MEIOSIN: variants seen among roughly 807,000 people sequenced by gnomAD.
The protein encoded by MEIOSIN is meiosis initiator protein.
MEIOSIN carries 18 observed loss-of-function variants against 23.4 expected under a neutral mutation model. That is an observed-to-expected ratio of 0.77 (90% CI 0.53 to 1.14). The LOEUF (loss-of-function observed/expected upper bound fraction) is 1.14, where lower values mean the gene tolerates loss of function less well. Among genes scored for constraint, MEIOSIN ranks in the 50% most tolerant of loss-of-function variants. The pLI is 0.00. For missense variants in MEIOSIN, 428 were observed against 242.9 expected (o/e 1.76, Z -5.07); for synonymous variants, 187 against 100.6 (o/e 1.86, Z -5.14).
At chr19:45,759,571 C>T (rs1455855321) in intron 11 of MEIOSIN, 81 bp downstream of exon 11, 3 of 688,142 alleles carry the variant, frequency 4.4e-6, no homozygotes, top group African/African-American at 1.8e-5. Context: ...ATTCACTCAT[C>T]CACTCCCTCA....
In MEIOSIN at chr19:45,739,615, A is replaced by T; in HGVS notation, c.72-11A>T. On this transcript the variant is annotated splice_polypyrimidine_tract_variant and intron_variant, in intron 2 of 14. Transcript: ENST00000457052. ...CAACCCTGAACCAATCACTGTGACT[A>T]TTCTTGGCAGGACCTTGGTTTTGTG... The T allele has an allele frequency of 1.4e-6, 1 of 702,994 alleles. No homozygotes were observed. Among genetic ancestry groups the T allele is most frequent in the Non-Finnish European group, 2.6e-6 (1 of 384,966 alleles). The allele number at this position is 702,994 out of a possible 1,614,324, so 43.5% of individuals were successfully genotyped here.
At chr19:45,759,127 C>T in intron 10 of MEIOSIN, 94 bp downstream of exon 10, 1 of 674,774 alleles carries the variant, frequency 1.5e-6, no homozygotes, top group South Asian at 1.6e-5. Flanking sequence ...CGGGGTGAAT[C>T]CTGCCCTGGC....
At chr19:45,750,090 G>T (rs1389442792) in intron 4 of MEIOSIN, among the ~76,000 whole-genome samples, 5 of 148,600 alleles carry the variant, frequency 3.4e-5, no homozygotes, top group Non-Finnish European at 7.4e-5. Flanking sequence ...GGCTGCTGGG[G>T]ACCAGAGACA....
chr19:45,757,971 G>T (rs1194434531), intron 9 of MEIOSIN, among the ~76,000 whole-genome samples: 1 of 151,648 alleles, frequency 6.6e-6, no homozygotes, highest in African/African-American at 2.4e-5. Flanking sequence ...GGGATTACAG[G>T]CACGTGCCCC....
At chr19:45,752,100 G>C (rs1968724529) in intron 5 of MEIOSIN, among the ~76,000 whole-genome samples, 1 of 142,646 alleles carries the variant, frequency 7.0e-6, no homozygotes, top group African/African-American at 2.6e-5. Context: ...GCAGTGGCAT[G>C]ATCATGGCTC....
intron 7 of MEIOSIN, among the ~76,000 whole-genome samples, chr19:45,755,253 G>A (rs1413776507): frequency 2.8e-5 from 4 of 144,226 alleles, no homozygotes; most frequent in Non-Finnish European, 6.0e-5. Context: ...GGATTCAAGC[G>A]ACTCTCCTGC....
chr19:45,752,500 C>G (rs779664304), intron 5 of MEIOSIN, among the ~76,000 whole-genome samples: 3 of 152,092 alleles, frequency 2.0e-5, no homozygotes, highest in African/African-American at 7.2e-5. Context: ...AGCCATCGTG[C>G]CTGGCTCTGG....
At chr19:45,740,819 G>A (rs1319893929) in intron 3 of MEIOSIN, among the ~76,000 whole-genome samples, 2 of 150,696 alleles carry the variant, frequency 1.3e-5, no homozygotes, top group Non-Finnish European at 3.0e-5. Flanking sequence ...AGTAACTAGG[G>A]TATGTTCAGG....
intron 7 of MEIOSIN, among the ~76,000 whole-genome samples, chr19:45,755,415 C>T (rs1170230785): frequency 3.3e-5 from 5 of 151,618 alleles, no homozygotes; most frequent in African/African-American, 9.7e-5. Context: ...TCCCAAAGTG[C>T]TGGGATTACA....
intron 11 of MEIOSIN, among the ~76,000 whole-genome samples, chr19:45,761,299 G>T (rs1193243366): frequency 6.6e-6 from 1 of 151,300 alleles, no homozygotes; most frequent in Non-Finnish European, 1.5e-5. Flanking sequence ...TAATTTTTTA[G>T]TATTTTTAGA....
Position 45,753,744 on chromosome 19 carries a change from G to A in MEIOSIN, c.512G>A (p.Gly171Glu), listed in dbSNP as rs1968760446. 2.8e-6 allele frequency: 2 copies of A among 702,784 alleles called. No homozygotes were observed. Among genetic ancestry groups the A allele is most frequent in the South Asian group, 1.5e-5 (1 of 67,606 alleles). 43.5% of individuals were successfully genotyped at this position (702,784 alleles called of 1,614,324 possible). The change falls in exon 6 of 15, where the codon GGG becomes GAG. Residue 171 changes from glycine (G) to glutamate (E), a missense_variant. By Grantham distance (98) the Gly-to-Glu change is moderately conservative. Coordinates refer to ENST00000457052, the MANE Select transcript of MEIOSIN (RefSeq NM_001310124.2). ...AGCTCTCAGAAGTCCTGTCTCCAGGGGGCGTGCCAGAAGCCTCGGAAGAAG... is the reference window on the plus strand; with the variant it reads ...AGCTCTCAGAAGTCCTGTCTCCAGGAGGCGTGCCAGAAGCCTCGGAAGAAG... ...SPSSQKSCLQ[G>E]ACQKPRKKKL...
At chr19:45,756,232 G>A (rs185264592) in intron 8 of MEIOSIN, among the ~76,000 whole-genome samples, 154 bp downstream of exon 8, 90 of 152,290 alleles carry the variant, frequency 5.9e-4, no homozygotes, top group African/African-American at 1.8e-3. Flanking sequence ...TTGTGAGCTC[G>A]CAGGAAAGCC....
intron 3 of MEIOSIN, among the ~76,000 whole-genome samples, chr19:45,740,206 G>A (rs1051730649): frequency 5.9e-5 from 9 of 152,090 alleles, no homozygotes; most frequent in East Asian, 1.9e-4. Context: ...GGCACTATAC[G>A]AAACACCTTC....
chr19:45,758,769 T>C, intron 9 of MEIOSIN, 109 bp from the exon 10 acceptor site: 1 of 614,520 alleles, frequency 1.6e-6, no homozygotes, highest in South Asian at 1.9e-5. Context: ...AATGAGAAAC[T>C]GAGATTCGCT....
At chr19:45,760,253 A>C (rs1290877052) in intron 11 of MEIOSIN, among the ~76,000 whole-genome samples, 2 of 151,954 alleles carry the variant, frequency 1.3e-5, no homozygotes, top group Non-Finnish European at 2.9e-5. Context: ...GGATCACCTG[A>C]GATCAGGAGT....
rs372039909 is a variant in MEIOSIN, at chr19:45,739,487, CA to C, written c.72-138del. ...CCCTTTGGAAGGGCAAGATGGTTCC[CA>C]GCAGTTCCAGGTCTATATCTTGCCA... On this transcript the variant is annotated intron_variant, in intron 2 of 14. Transcript: ENST00000457052. 722 of 622,284 alleles carry C rather than the reference CA, an allele frequency of 1.2e-3. 4 individuals carry two copies. In the African/African-American group the frequency reaches 0.012, roughly 10 times the overall value. The allele number at this position is 622,284 out of a possible 1,614,324, so 38.5% of individuals were successfully genotyped here. A position where few individuals can be genotyped will look rare whatever the true frequency, so the allele number is the denominator to read the frequency against.
rs770628169 is a variant in MEIOSIN at position 45,739,685 on chromosome 19, A to G, written c.131A>G (p.His44Arg). The change falls in exon 3 of 15, where the codon CAT becomes CGT. Residue 44 changes from histidine (H) to arginine (R), a missense_variant. Transcript: ENST00000457052. ...GATAAGGTCAACCCCTCCGAACCAC[A>G]TGGACTGAGAATGGAGGAGAAATGG... ...GEDKVNPSEP[H>R]GLRMEEKWLL... 8.2e-5 allele frequency: 58 copies of G among 703,414 alleles called. No individual in the cohort carries two copies. The highest frequency in any genetic ancestry group is 3.5e-4 in the African/African-American group (20 of 57,240). 43.6% of individuals were successfully genotyped at this position (703,414 alleles called of 1,614,324 possible).
chr19:45,758,716 A>G (rs1312351235), intron 9 of MEIOSIN, among the ~76,000 whole-genome samples, 162 bp from the exon 10 acceptor site: 1 of 152,278 alleles, frequency 6.6e-6, no homozygotes, highest in Non-Finnish European at 1.5e-5. Context: ...GGCGTGAGCC[A>G]TCGCAGCCGG....
Position 45,761,806 on chromosome 19 carries a change from G to GCTCCAA in MEIOSIN, c.1378_1379insACTCCA (p.Ser459_Ser460insAsnSer), listed in dbSNP as rs2146201026. On this transcript the variant is annotated inframe_insertion, in exon 12 of 15. Transcript: ENST00000457052. Reference sequence around the variant, plus strand: ...AAGGCGCCATCCAGCTCCAGCTCCAGCTCCAGCTCCAGCTCCAGCTCGGAG... The same window carrying GCTCCAA: ...AAGGCGCCATCCAGCTCCAGCTCCAGCTCCAACTCCAGCTCCAGCTCCAGCTCGGAG... The GCTCCAA allele has an allele frequency of 1.4e-6, 1 of 700,016 alleles. No individual in the cohort carries two copies. The highest frequency in any genetic ancestry group is 1.5e-5 in the South Asian group (1 of 66,898). The allele number at this position is 700,016 out of a possible 1,614,324, so 43.4% of individuals were successfully genotyped here.
Sources: gnomAD v4.1 joint callset for allele counts (sites outside exome capture counted in the v4.1 genomes callset) on GRCh38, gnomAD v4.1.1 for gene constraint, MANE v1.5 for transcripts, NCBI Gene and HGNC (gene_info 2026-07-23, HGNC 2026-07-21) for gene names.